AP1S3: variants seen among roughly 807,000 people sequenced by gnomAD.
The protein encoded by AP1S3 is adaptor related protein complex 1 subunit sigma 3, also known as AP-1 complex subunit sigma-3.
Under a neutral mutation model 20.9 loss-of-function variants are expected in AP1S3, and 10 were observed. The ratio of observed to expected loss-of-function variants is 0.48; its 90% CI spans 0.29 to 0.81. AP1S3 has a LOEUF of 0.81. Ranked by LOEUF, AP1S3 falls within the 30% of genes least tolerant of loss-of-function variation. The probability of loss-of-function intolerance (pLI) is 0.08; values close to 1 mark genes in which losing one functional copy is unlikely to be tolerated. For missense variants in AP1S3, 154 were observed against 183.8 expected, an observed-to-expected ratio of 0.84 and a Z score of 0.94; for synonymous variants, 41 against 61.5, an observed-to-expected ratio of 0.67 and a Z score of 1.56.
At chr2:223,762,462 G>A (rs1690381868) in intron 4 of AP1S3, among the ~76,000 whole-genome samples, 1 of 152,034 alleles carries the variant, frequency 6.6e-6, no homozygotes, top group African/African-American at 2.4e-5. Context: ...TAGTAGGGAT[G>A]GGATTTTGCC....
chr2:223,805,595 A>G (rs977333632), intron 1 of AP1S3, among the ~76,000 whole-genome samples: 2 of 152,202 alleles, frequency 1.3e-5, no homozygotes, highest in Non-Finnish European at 2.9e-5. Context: ...GGTACTTTAT[A>G]TATTTATCCA....
chr2:223,781,135 G>A (rs1000656961), intron 1 of AP1S3, among the ~76,000 whole-genome samples: 1 of 151,962 alleles, frequency 6.6e-6, no homozygotes, highest in African/African-American at 2.4e-5. Flanking sequence ...TTTTTATGCT[G>A]TGTAGTATTC....
At chr2:223,792,127 T>C (rs1691228226) in intron 1 of AP1S3, among the ~76,000 whole-genome samples, 4 of 152,150 alleles carry the variant, frequency 2.6e-5, no homozygotes, top group Non-Finnish European at 1.5e-5. Flanking sequence ...TTGACATTAT[T>C]CACAGAATTA....
At chr2:223,810,630 A>G (rs1691701315) in intron 1 of AP1S3, among the ~76,000 whole-genome samples, 1 of 152,176 alleles carries the variant, frequency 6.6e-6, no homozygotes, top group Admixed American at 6.5e-5. Context: ...TTTTCTAAAT[A>G]TATTACTCTT....
intron 1 of AP1S3, among the ~76,000 whole-genome samples, chr2:223,833,598 T>C (rs1417078923): frequency 6.6e-6 from 1 of 152,182 alleles, no homozygotes; most frequent in Non-Finnish European, 1.5e-5. Flanking sequence ...CCAGTAAGCA[T>C]CTACCAGTTT....
intron 1 of AP1S3, among the ~76,000 whole-genome samples, chr2:223,797,047 G>A (rs1332071413): frequency 6.6e-6 from 1 of 152,108 alleles, no homozygotes; most frequent in Non-Finnish European, 1.5e-5. Flanking sequence ...TTCCTTAATT[G>A]TACTGCATTA....
intron 1 of AP1S3, among the ~76,000 whole-genome samples, chr2:223,828,070 A>G (rs1692174536): frequency 2.6e-5 from 1 of 37,858 alleles, no homozygotes; most frequent in African/African-American, 9.4e-5. Flanking sequence ...AAAAAAAAAA[A>G]AAAAAAAAAA....
In AP1S3 at chr2:223,765,448, G is replaced by A. The variant is rs1217917080; in HGVS notation, c.292-98C>T. The stretch of plus-strand genomic sequence containing the variant: ...CTTTTTCAGTTTGCACTCATGTGGC[G>A]TACCAAAAATAAAAATATCAGATGG... On this transcript the variant is annotated intron_variant, in intron 3 of 4. Coordinates refer to ENST00000396654, the MANE Select transcript of AP1S3 (RefSeq NM_001039569.2). The A allele has an allele frequency of 1.5e-5, 19 of 1,279,726 alleles. No homozygotes were observed. The East Asian group carries it at 3.0e-4, about 20-fold the overall frequency. 79.3% of individuals were successfully genotyped at this position (1,279,726 alleles called of 1,614,324 possible).
At chr2:223,770,754 G>C (rs1690606066) in intron 3 of AP1S3, among the ~76,000 whole-genome samples, 1 of 86,180 alleles carries the variant, frequency 1.2e-5, no homozygotes, top group African/African-American at 5.4e-5. Flanking sequence ...TTTGGAAACA[G>C]TCTTACTCCG....
At position 223,756,326 on chromosome 2, in the gene AP1S3, G is replaced by A. The variant is rs1235380209; in HGVS notation, c.*2389C>T. Among the ~76,000 whole-genome samples the A allele has an allele frequency of 1.1e-4, 15 of 141,012 alleles. 1 individual carries two copies. The highest frequency in any genetic ancestry group is 9.9e-4 in the Admixed American group (14 of 14,158). 92.5% of individuals were successfully genotyped at this position (141,012 alleles called of 152,430 possible). A position where few individuals can be genotyped will look rare whatever the true frequency, so the allele number is the denominator to read the frequency against. ...CACTCTGGCCTGGGTGACAAGAAGCGAGGAAAGAAAAGAAAGAAAAGAAAA... is the reference window on the plus strand; with the variant it reads ...CACTCTGGCCTGGGTGACAAGAAGCAAGGAAAGAAAAGAAAGAAAAGAAAA... On this transcript the variant is annotated 3_prime_UTR_variant, in exon 5 of 5. Coordinates refer to ENST00000396654, the MANE Select transcript of AP1S3 (RefSeq NM_001039569.2).
intron 1 of AP1S3, among the ~76,000 whole-genome samples, chr2:223,789,710 T>C (rs1197811738): frequency 1.4e-5 from 2 of 145,838 alleles, no homozygotes; most frequent in Non-Finnish European, 3.0e-5. Context: ...TGGTGGCACA[T>C]GCCTATGGTC....
chr2:223,809,717 G>A (rs543329214), intron 1 of AP1S3, among the ~76,000 whole-genome samples: 3 of 150,428 alleles, frequency 2.0e-5, no homozygotes, highest in Non-Finnish European at 3.0e-5. Flanking sequence ...AAAATGCACC[G>A]TTTCACCTTT....
intron 2 of AP1S3, chr2:223,776,212 T>C (rs1690781127): frequency 6.0e-6 from 4 of 671,668 alleles, no homozygotes; most frequent in South Asian, 1.5e-5. Flanking sequence ...ATTACTTCCA[T>C]TAATTACGCA....
chr2:223,759,687 G>A (rs190214844), intron 4 of AP1S3, among the ~76,000 whole-genome samples: 1 of 152,284 alleles, frequency 6.6e-6, no homozygotes, highest in Non-Finnish European at 1.5e-5. Context: ...GTATCATGGG[G>A]ATTTGTTATA....
At chr2:223,814,927 C>G (rs1160281254) in intron 1 of AP1S3, among the ~76,000 whole-genome samples, 1 of 152,146 alleles carries the variant, frequency 6.6e-6, no homozygotes, top group Non-Finnish European at 1.5e-5. Flanking sequence ...CAGGTACACA[C>G]TATCACTCCG....
At chr2:223,759,650 G>A (rs1481160040) in intron 4 of AP1S3, among the ~76,000 whole-genome samples, 1 of 152,098 alleles carries the variant, frequency 6.6e-6, no homozygotes, top group Non-Finnish European at 1.5e-5. Flanking sequence ...AGAGATACAT[G>A]TGCAGGTTTG....
chr2:223,755,677 T>C lies in AP1S3; in HGVS notation c.*3038A>G, dbSNP rs183091177. 219 of 196,028 alleles carry C rather than the reference T, an allele frequency of 1.1e-3. 2 individuals are homozygous for C. The highest frequency in any genetic ancestry group is 4.6e-3 in the African/African-American group (194 of 42,306). 12.1% of individuals were successfully genotyped at this position (196,028 alleles called of 1,614,324 possible). On this transcript the variant is annotated 3_prime_UTR_variant, in exon 5 of 5. Transcript: ENST00000396654. ...TCCTGAGTAGCTGGCACTACAAGCA[T>C]GTGCCACCACACTTGGCTAATTTTT...
chr2:223,798,654 G>T (rs1382933139), intron 1 of AP1S3, among the ~76,000 whole-genome samples: 1 of 151,994 alleles, frequency 6.6e-6, no homozygotes, highest in African/African-American at 2.4e-5. Context: ...AAGGAAGGAA[G>T]GATAGACAGG....
At chr2:223,837,414 C>T (rs901810006) in intron 1 of AP1S3, 34 bp downstream of exon 1, 18 of 1,205,186 alleles carry the variant, frequency 1.5e-5, no homozygotes, top group Middle Eastern at 6.3e-4. Flanking sequence ...GCGCCCCCAC[C>T]GCCTACCCGG....
Sources: gnomAD v4.1 joint callset for allele counts (sites outside exome capture counted in the v4.1 genomes callset) on GRCh38, gnomAD v4.1.1 for gene constraint, MANE v1.5 for transcripts, NCBI Gene and HGNC (gene_info 2026-07-23, HGNC 2026-07-21) for gene names.